The following TXNL4A variants were observed in gnomAD, a reference collection of about 807,000 sequenced individuals.
The protein encoded by TXNL4A is thioredoxin-like protein 4A.
Under a neutral mutation model 14.6 loss-of-function variants are expected in TXNL4A, and 17 were observed. The observed-to-expected ratio is 1.16, with a 90% CI of 0.80 to 1.74. The LOEUF is 1.74. Ranked by LOEUF, TXNL4A falls within the 40% of genes most tolerant of loss-of-function variation. TXNL4A has a pLI of 0.00. For synonymous variants in TXNL4A, 83 were observed against 70.6 expected (o/e 1.18, Z -0.88); for missense variants, 74 against 195.2 (o/e 0.38, Z 3.70).
chr18:79,995,098 G>A (rs992347889), intron 1 of TXNL4A: 3 of 152,238 alleles, frequency 2.0e-5, no homozygotes, highest in Non-Finnish European at 2.9e-5. Flanking sequence ...GTTAATGGCT[G>A]AGTTGCGAGG....
intron 1 of TXNL4A, among the ~76,000 whole-genome samples, chr18:80,019,373 G>C (rs2051833810): frequency 1.3e-5 from 2 of 152,126 alleles, no homozygotes; most frequent in Non-Finnish European, 1.5e-5. Context: ...AAACCCATCA[G>C]GTCTCAAGAG....
chr18:79,985,708 A>G (rs2051536701), intron 1 of TXNL4A: 1 of 152,238 alleles, frequency 6.6e-6, no homozygotes, highest in Non-Finnish European at 1.5e-5. Flanking sequence ...CATGAAGTCA[A>G]GTGGGCCCTG....
intron 1 of TXNL4A, among the ~76,000 whole-genome samples, chr18:80,004,261 G>A (rs996574811): frequency 6.6e-6 from 1 of 152,196 alleles, no homozygotes; most frequent in Non-Finnish European, 1.5e-5. Flanking sequence ...GGCGTTTGAT[G>A]TGCCTGCCCT....
intron 1 of TXNL4A, among the ~76,000 whole-genome samples, chr18:80,002,147 A>G (rs1177512020): frequency 1.3e-5 from 2 of 151,996 alleles, no homozygotes; most frequent in African/African-American, 2.4e-5. Context: ...ATAACGGGAA[A>G]CCCTTTCATG....
At chr18:79,996,447 C>A (rs1165301876) in intron 1 of TXNL4A, among the ~76,000 whole-genome samples, 1 of 152,164 alleles carries the variant, frequency 6.6e-6, no homozygotes, top group African/African-American at 2.4e-5. Flanking sequence ...TAAACCTTAA[C>A]ATTTCTTTGG....
At chr18:79,976,873 T>C (rs908333562) in intron 2 of TXNL4A, 1 of 443,598 alleles carries the variant, frequency 2.3e-6, no homozygotes, top group Non-Finnish European at 4.5e-6. Flanking sequence ...AAAATAATCT[T>C]GTATTTATAA....
intron 1 of TXNL4A, among the ~76,000 whole-genome samples, 192 bp downstream of exon 1, chr18:79,988,048 C>T (rs928006941): frequency 6.6e-6 from 1 of 152,264 alleles, no homozygotes; most frequent in Non-Finnish European, 1.5e-5. Context: ...GAGCTCCCCG[C>T]AGAAAAAGGC....
intron 1 of TXNL4A, among the ~76,000 whole-genome samples, chr18:80,012,937 C>T (rs577722515): frequency 6.6e-5 from 10 of 151,732 alleles, no homozygotes; most frequent in South Asian, 2.1e-4. Context: ...CGTCACGCAA[C>T]GCACGTTCCT....
upstream of TXNL4A, among the ~76,000 whole-genome samples, chr18:79,993,424 C>T (rs1303745466): frequency 6.6e-6 from 1 of 152,190 alleles, no homozygotes; most frequent in Non-Finnish European, 1.5e-5. The surrounding 1 kb of genome is among the most constrained non-coding windows in gnomAD (Gnocchi z 4.4). Flanking sequence ...TCAGCTTGGG[C>T]TCCTATCACT....
At chr18:80,022,307 GGTT>G (rs2051855211) in intron 1 of TXNL4A, among the ~76,000 whole-genome samples, 1 of 152,154 alleles carries the variant, frequency 6.6e-6, no homozygotes, top group Admixed American at 6.5e-5. Context: ...GTTCCCCAAG[GGTT>G]TTTTTCTTGA....
chr18:79,988,471 TCCCCGGCCCCCGCCGC>T lies in TXNL4A; in HGVS notation c.-95_-80del. ...GAGGTGGGCTCAGCCGGCCCCTCAC[TCCCCGGCCCCCGCCGC>T]CCCCGGGCCCACGGACGAAATCCGG... On this transcript the variant is annotated 5_prime_UTR_variant, in exon 1 of 3. Transcript: ENST00000269601. 1 of 1,247,784 alleles carries T rather than the reference TCCCCGGCCCCCGCCGC, an allele frequency of 8.0e-7. No homozygotes were observed. Among genetic ancestry groups the T allele is most frequent in the South Asian group, 2.9e-5 (1 of 34,390 alleles). 77.3% of individuals were successfully genotyped at this position (1,247,784 alleles called of 1,614,324 possible). A position where few individuals can be genotyped will look rare whatever the true frequency, so the allele number is the denominator to read the frequency against.
rs370361475 is a variant in TXNL4A, at chr18:79,976,155, G to A, written c.257+1443C>T. ...GCCTCACGCTTTGGCAGCCTGAGGCGGGAGGATGGCTCGAAGCCAGGAGTT... is the reference window on the plus strand; with the variant it reads ...GCCTCACGCTTTGGCAGCCTGAGGCAGGAGGATGGCTCGAAGCCAGGAGTT... On this transcript the variant is annotated intron_variant, in intron 2 of 2. Transcript: ENST00000269601. 1.4e-4 allele frequency among the ~76,000 whole-genome samples: 22 copies of A among 152,304 alleles called. 1 individual carries two copies. The South Asian group carries it at 4.1e-3, about 29-fold the overall frequency.
rs560207510 is a variant in TXNL4A at position 79,981,469 on chromosome 18, C to T, written c.154-3768G>A. ...GGCGGATCACTTGAGGTCAGGAGTT[C>T]GAGACCAACCTGGCCAACGTGGTGC... On this transcript the variant is annotated intron_variant, in intron 1 of 2. Transcript: ENST00000269601. Among the ~76,000 whole-genome samples, 272 of 151,986 alleles carry T rather than the reference C, an allele frequency of 1.8e-3. 1 individual carries two copies. The highest frequency in any genetic ancestry group is 6.0e-3 in the African/African-American group (247 of 41,422).
chr18:79,976,101 C>G (rs1352072570), intron 2 of TXNL4A, among the ~76,000 whole-genome samples: 2 of 152,186 alleles, frequency 1.3e-5, no homozygotes. Flanking sequence ...TCCAGGGGAG[C>G]GTATCCCGAC....
At position 79,993,774 on chromosome 18, in the gene TXNL4A, G is replaced by A. The variant is rs1272823632; in HGVS notation, c.-60-16073C>T. Among the ~76,000 whole-genome samples, 1 of 152,198 alleles carries A rather than the reference G, an allele frequency of 6.6e-6. No individual in the cohort carries two copies. Among genetic ancestry groups the A allele is most frequent in the African/African-American group, 2.4e-5 (1 of 41,450 alleles). ...AGGCAACTGAGAATCGCGTGAGGGT[G>A]TCTGGGAGGAAAGCACCTTAAGACG... On this transcript the variant is annotated intron_variant, in intron 1 of 2. Transcript: ENST00000585474. This position sits in a 1 kb window ranked among gnomAD's most constrained non-coding sequence, Gnocchi z 4.4.
chr18:79,986,544 A>C (rs1215386248), intron 1 of TXNL4A: 46 of 980,094 alleles, frequency 4.7e-5, no homozygotes, highest in Admixed American at 6.1e-5. Context: ...AATAACAAAG[A>C]AATTGGACAT....
At chr18:79,994,155 T>C (rs2051645153) in intron 1 of TXNL4A, among the ~76,000 whole-genome samples, 1 of 152,152 alleles carries the variant, frequency 6.6e-6, no homozygotes, top group Non-Finnish European at 1.5e-5. Flanking sequence ...TTACGGCAAA[T>C]TGTCATGCAA....
chr18:80,013,897 A>T (rs1331666373), intron 1 of TXNL4A, among the ~76,000 whole-genome samples: 1 of 152,234 alleles, frequency 6.6e-6, no homozygotes, highest in Non-Finnish European at 1.5e-5. Context: ...ATATTTCCAC[A>T]TAGCTGGGCA....
intron 1 of TXNL4A, among the ~76,000 whole-genome samples, chr18:79,994,148 C>T (rs572383560): frequency 5.1e-4 from 78 of 152,304 alleles, no homozygotes; most frequent in Non-Finnish European, 9.7e-4. Flanking sequence ...AAAATACTTA[C>T]GGCAAATTGT....
Sources: gnomAD v4.1 joint callset for allele counts (sites outside exome capture counted in the v4.1 genomes callset) on GRCh38, gnomAD v4.1.1 for gene constraint, Gnocchi (gnomAD v3.1) non-coding constraint, MANE v1.5 for transcripts, NCBI Gene and HGNC (gene_info 2026-07-23, HGNC 2026-07-21) for gene names.